The following BAALC variants were observed in gnomAD, a reference collection of about 807,000 sequenced individuals.
The protein encoded by BAALC is BAALC binder of MAP3K1 and KLF4.
A neutral mutation model predicts 15.5 loss-of-function variants in BAALC; 9 were observed. The observed-to-expected ratio is 0.58, with a 90% CI of 0.35 to 1.02. The LOEUF (loss-of-function observed/expected upper bound fraction) is 1.02. Ranked by LOEUF, BAALC falls within the 50% of genes least tolerant of loss-of-function variation. BAALC has a pLI of 0.02. For synonymous variants in BAALC, 80 were observed against 74.6 expected, an observed-to-expected ratio of 1.07 and a Z score of -0.37; for missense variants, 201 against 192.4, an observed-to-expected ratio of 1.04 and a Z score of -0.27.
At chr8:103,201,463 T>C (rs1172055051) in intron 1 of BAALC, among the ~76,000 whole-genome samples, 1 of 152,220 alleles carries the variant, frequency 6.6e-6, no homozygotes, top group Non-Finnish European at 1.5e-5. Flanking sequence ...ATCTACACTG[T>C]GTCACACGGA....
intron 1 of BAALC, among the ~76,000 whole-genome samples, chr8:103,188,753 G>A (rs1418880835): frequency 6.6e-6 from 1 of 152,178 alleles, no homozygotes; most frequent in Non-Finnish European, 1.5e-5. Flanking sequence ...GTTATAAACT[G>A]ATCTTTGCTC....
chr8:103,202,484 A>T (rs1042945472), intron 1 of BAALC, among the ~76,000 whole-genome samples: 2 of 152,202 alleles, frequency 1.3e-5, no homozygotes, highest in Non-Finnish European at 2.9e-5. Context: ...GAGAAAATAA[A>T]TATCTCTTGG....
In BAALC at chr8:103,140,866, GCAGC is replaced by G; in HGVS notation, c.-30_-27del. 6.8e-7 allele frequency: 1 copy of G among 1,469,100 alleles called. No individual in the cohort carries two copies. The highest frequency in any genetic ancestry group is 9.0e-7 in the Non-Finnish European group (1 of 1,110,046). 91.0% of individuals were successfully genotyped at this position (1,469,100 alleles called of 1,614,324 possible). A position where few individuals can be genotyped will look rare whatever the true frequency, so the allele number is the denominator to read the frequency against. ...AGCCGCCGCCAGAGCCGACAGCCGA[GCAGC>G]CGCTGGGCGCTCCCGCGGCGCAGGA... On this transcript the variant is annotated 5_prime_UTR_variant, in exon 1 of 3. Coordinates refer to ENST00000309982, the MANE Select transcript of BAALC (RefSeq NM_024812.3). This position sits in a 1 kb window ranked among gnomAD's most constrained non-coding sequence, Gnocchi z 4.2.
intron 2 of BAALC, among the ~76,000 whole-genome samples, chr8:103,217,346 T>C (rs1464213953): frequency 6.6e-6 from 1 of 152,252 alleles, no homozygotes; most frequent in Non-Finnish European, 1.5e-5. Context: ...TTACCTGTGA[T>C]TGATGCTTCT....
At chr8:103,223,615 G>T (rs893741410) in intron 2 of BAALC, among the ~76,000 whole-genome samples, 17 of 150,414 alleles carry the variant, frequency 1.1e-4, no homozygotes, top group Non-Finnish European at 2.1e-4. Flanking sequence ...TGACCCTATT[G>T]TAATTGGGAT....
intron 1 of BAALC, among the ~76,000 whole-genome samples, chr8:103,157,900 C>T (rs548310637): frequency 2.0e-5 from 3 of 152,046 alleles, no homozygotes; most frequent in Admixed American, 6.6e-5. Context: ...TCAGCAATTC[C>T]GTATGCTTCA....
chr8:103,192,342 G>A (rs369957033), intron 1 of BAALC, among the ~76,000 whole-genome samples: 4 of 152,318 alleles, frequency 2.6e-5, no homozygotes, highest in East Asian at 3.9e-4. Context: ...GTGAGCCACC[G>A]CACCCGGCCA....
In BAALC at chr8:103,165,142, C is replaced by T. The variant is rs531559726; in HGVS notation, c.160+24085C>T. 2.6e-5 allele frequency among the ~76,000 whole-genome samples: 4 copies of T among 152,316 alleles called. No individual in the cohort carries two copies. In the South Asian group the frequency reaches 8.3e-4, roughly 32 times the overall value. On this transcript the variant is annotated intron_variant, in intron 1 of 2. Transcript: ENST00000309982. Reference sequence around the variant, plus strand: ...GCTGCATGATAATATGGAAGCATAGCAGTCTGGCCACAGTTTGCATGGTTT... The same window carrying T: ...GCTGCATGATAATATGGAAGCATAGTAGTCTGGCCACAGTTTGCATGGTTT...
intron 2 of BAALC, among the ~76,000 whole-genome samples, chr8:103,214,415 T>A (rs1460588983): frequency 6.6e-6 from 1 of 152,176 alleles, no homozygotes; most frequent in Admixed American, 6.6e-5. Flanking sequence ...AGTGAGTGAT[T>A]AAAAGCAAGC....
chr8:103,145,829 C>A (rs1333957707), intron 1 of BAALC, among the ~76,000 whole-genome samples: 2 of 152,112 alleles, frequency 1.3e-5, no homozygotes, highest in Non-Finnish European at 2.9e-5. Context: ...CCTTATGAAT[C>A]CTGAATTGGT....
At chr8:103,163,120 C>T (rs1422127316) in intron 1 of BAALC, among the ~76,000 whole-genome samples, 1 of 152,128 alleles carries the variant, frequency 6.6e-6, no homozygotes, top group Non-Finnish European at 1.5e-5. Context: ...CCTACCCTTA[C>T]TCCACATTTT....
chr8:103,176,994 G>A (rs569782280), intron 1 of BAALC, among the ~76,000 whole-genome samples: 7 of 152,126 alleles, frequency 4.6e-5, no homozygotes, highest in Non-Finnish European at 7.4e-5. Flanking sequence ...CTAGCCTGTT[G>A]TGGGAAGAAA....
chr8:103,211,520 T>C (rs918042217), intron 1 of BAALC, among the ~76,000 whole-genome samples: 1 of 152,246 alleles, frequency 6.6e-6, no homozygotes, highest in African/African-American at 2.4e-5. Flanking sequence ...AATTCTTTTC[T>C]GAATACCATA....
At chr8:103,167,281 A>G (rs1811369721) in intron 1 of BAALC, among the ~76,000 whole-genome samples, 1 of 152,310 alleles carries the variant, frequency 6.6e-6, no homozygotes, top group African/African-American at 2.4e-5. Flanking sequence ...AGTGCTAGAC[A>G]TAGTCCTAGG....
chr8:103,186,905 T>C (rs551773485), intron 1 of BAALC, among the ~76,000 whole-genome samples: 2 of 152,332 alleles, frequency 1.3e-5, no homozygotes, highest in East Asian at 3.9e-4. Context: ...TGGATATAAA[T>C]GAGCTGACAT....
At chr8:103,148,514 C>T (rs903584520) in intron 1 of BAALC, among the ~76,000 whole-genome samples, 13 of 152,200 alleles carry the variant, frequency 8.5e-5, no homozygotes, top group African/African-American at 2.4e-4. Flanking sequence ...AAGCATTTAT[C>T]TTTTGAGTTG....
At chr8:103,196,555 A>T (rs1563650487) in intron 1 of BAALC, among the ~76,000 whole-genome samples, 1 of 152,214 alleles carries the variant, frequency 6.6e-6, no homozygotes, top group Non-Finnish European at 1.5e-5. Flanking sequence ...TGTTAGGATT[A>T]CAGGTGTGAG....
At chr8:103,211,324 C>T (rs965174697) in intron 1 of BAALC, among the ~76,000 whole-genome samples, 2 of 152,182 alleles carry the variant, frequency 1.3e-5, no homozygotes, top group African/African-American at 4.8e-5. Flanking sequence ...TTGGCCTGCC[C>T]TTTCAGCTCA....
At chr8:103,224,300 C>T in intron 2 of BAALC, among the ~76,000 whole-genome samples, 1 of 151,816 alleles carries the variant, frequency 6.6e-6, no homozygotes, top group Non-Finnish European at 1.5e-5. Context: ...GAACATGTGC[C>T]CAAGGTGAGC....
Sources: allele counts gnomAD v4.1 joint callset (sites outside exome capture counted in the v4.1 genomes callset), GRCh38; gene constraint gnomAD v4.1.1; non-coding constraint Gnocchi (gnomAD v3.1); transcripts MANE v1.5; gene names NCBI Gene and HGNC (gene_info 2026-07-23, HGNC 2026-07-21).